Variants in TEX11 observed in about 807,000 individuals in gnomAD.
TEX11 encodes the protein testis expressed 11.
In TEX11, 7 loss-of-function variants were observed where a neutral mutation model predicts 84.4. That is an observed-to-expected ratio of 0.08 (90% CI 0.05 to 0.16). The LOEUF (loss-of-function observed/expected upper bound fraction) is 0.16. TEX11 is among the 10% of genes least tolerant of loss of function. TEX11 has a pLI of 1.00. For missense variants in TEX11, 551 were observed against 660.5 expected (o/e 0.83, Z 1.82); for synonymous variants, 264 against 222.8 (o/e 1.18, Z -1.64).
intron 9 of TEX11, among the ~76,000 whole-genome samples, chrX:70,754,629 A>G (rs1286764934): frequency 2.7e-5 from 3 of 111,311 alleles, no homozygotes; most frequent in Non-Finnish European, 5.7e-5. Flanking sequence ...GAGAGTGGTT[A>G]CAGCAAACCT....
chrX:70,807,629 G>GT (rs1383195541), intron 8 of TEX11, among the ~76,000 whole-genome samples: 1 of 111,394 alleles, frequency 9.0e-6, no homozygotes, highest in Non-Finnish European at 1.9e-5. Flanking sequence ...TTTTACCCGA[G>GT]TAAGACTACA....
intron 2 of TEX11, among the ~76,000 whole-genome samples, chrX:70,895,195 T>C (rs908917334): frequency 9.0e-6 from 1 of 111,444 alleles, no homozygotes; most frequent in African/African-American, 3.3e-5. Context: ...AAAATCAATG[T>C]GCAAAAATCA....
chrX:70,782,025 C>A (rs948527256), intron 9 of TEX11, among the ~76,000 whole-genome samples: 2 of 111,224 alleles, frequency 1.8e-5, no homozygotes, highest in Non-Finnish European at 3.8e-5. Context: ...GTCAGATTCA[C>A]CAAGGTTGAA....
Position 70,624,825 on chromosome X carries a change from T to C in TEX11, c.1694+14A>G. 8.5e-7 allele frequency: 1 copy of C among 1,175,255 alleles called. No individual in the cohort carries two copies. Among genetic ancestry groups the C allele is most frequent in the Non-Finnish European group, 1.2e-6 (1 of 865,635 alleles). On this transcript the variant is annotated intron_variant, in intron 19 of 29. Coordinates refer to ENST00000374333, the MANE Select transcript of TEX11 (RefSeq NM_031276.3). ...AGGAAATACTTTCTCTTCCACAGGATGTAGGTTACTTACTTTACAGCTGTA... is the reference window on the plus strand; with the variant it reads ...AGGAAATACTTTCTCTTCCACAGGACGTAGGTTACTTACTTTACAGCTGTA...
chrX:70,575,869 A>T (rs2088667358), intron 25 of TEX11, among the ~76,000 whole-genome samples: 1 of 111,702 alleles, frequency 9.0e-6, no homozygotes, highest in Non-Finnish European at 1.9e-5. Context: ...AGTAAGTTCA[A>T]ATATCACCTT....
chrX:70,751,886 G>T (rs973392891), intron 9 of TEX11, among the ~76,000 whole-genome samples: 1 of 112,165 alleles, frequency 8.9e-6, no homozygotes, highest in African/African-American at 3.2e-5. Context: ...ATAAAAGAAA[G>T]TATGATTATA....
chrX:70,608,318 T>C (rs996272595), intron 22 of TEX11, among the ~76,000 whole-genome samples: 3 of 112,361 alleles, frequency 2.7e-5, no homozygotes, highest in Admixed American at 9.4e-5. Flanking sequence ...ATTTAAAAAA[T>C]TATAAATAAA....
intron 9 of TEX11, among the ~76,000 whole-genome samples, chrX:70,790,332 G>A (rs769021478): frequency 9.0e-6 from 1 of 111,546 alleles, no homozygotes; most frequent in Non-Finnish European, 1.9e-5. Flanking sequence ...AGAGGCACAG[G>A]AAACTGGGAA....
At chrX:70,688,644 T>A (rs1271059855) in intron 13 of TEX11, among the ~76,000 whole-genome samples, 1 of 109,494 alleles carries the variant, frequency 9.1e-6, no homozygotes, top group East Asian at 2.8e-4. Context: ...ATTTTTAGGA[T>A]GGTGAAAATA....
chrX:70,899,303 A>G (rs751006282), intron 2 of TEX11, among the ~76,000 whole-genome samples: 1 of 111,671 alleles, frequency 9.0e-6, no homozygotes, highest in Non-Finnish European at 1.9e-5. Context: ...GGTTTCAAAG[A>G]CTTAGTTTAA....
At chrX:70,825,900 C>T (rs917237370) in intron 8 of TEX11, among the ~76,000 whole-genome samples, 5 of 111,388 alleles carry the variant, frequency 4.5e-5, no homozygotes, top group African/African-American at 1.6e-4. Context: ...ATGGCTTGAA[C>T]CCGGGAGACA....
intron 17 of TEX11, among the ~76,000 whole-genome samples, chrX:70,637,676 C>T (rs2089591556): frequency 9.0e-6 from 1 of 111,211 alleles, no homozygotes; most frequent in Non-Finnish European, 1.9e-5. Context: ...AAACCAAATA[C>T]TGCATGTTCT....
intron 16 of TEX11, among the ~76,000 whole-genome samples, chrX:70,664,844 T>C (rs1313885957): frequency 2.2e-4 from 11 of 51,121 alleles, no homozygotes; most frequent in Non-Finnish European, 3.9e-4. Context: ...TACATCTACC[T>C]AAGAATTACA....
chrX:70,638,579 C>T (rs1486197670), intron 17 of TEX11, among the ~76,000 whole-genome samples: 1 of 110,298 alleles, frequency 9.1e-6, no homozygotes, highest in Non-Finnish European at 1.9e-5. Flanking sequence ...GTGGGCAGAT[C>T]ACTTGAGGTC....
At chrX:70,720,482 A>C (rs1224753529) in intron 13 of TEX11, among the ~76,000 whole-genome samples, 3 of 109,788 alleles carry the variant, frequency 2.7e-5, no homozygotes, top group Admixed American at 9.8e-5. Flanking sequence ...ACAAACCTGC[A>C]TGTTGTGCAC....
chrX:70,583,701 C>T (rs1442319039), intron 25 of TEX11, among the ~76,000 whole-genome samples: 2 of 111,652 alleles, frequency 1.8e-5, no homozygotes, highest in African/African-American at 6.5e-5. Context: ...CATCTTACAC[C>T]AGTCAGGATG....
At chrX:70,614,709 C>A (rs181128251) in intron 20 of TEX11, among the ~76,000 whole-genome samples, 129 of 111,469 alleles carry the variant, frequency 1.2e-3, no homozygotes, top group African/African-American at 4.1e-3. Context: ...TGGGTGAGAA[C>A]CAGGGCTGTG....
intron 15 of TEX11, among the ~76,000 whole-genome samples, chrX:70,676,696 G>A (rs1355295359): frequency 9.0e-6 from 1 of 111,566 alleles, no homozygotes; most frequent in African/African-American, 3.3e-5. Flanking sequence ...ATCCTCATTT[G>A]GGAATCCCAG....
At chrX:70,693,252 A>T (rs1421621793) in intron 13 of TEX11, among the ~76,000 whole-genome samples, 1 of 111,442 alleles carries the variant, frequency 9.0e-6, no homozygotes, top group Non-Finnish European at 1.9e-5. Context: ...AAAAAAAAAA[A>T]TTCCAACTTT....
Sources: allele counts gnomAD v4.1 joint callset (sites outside exome capture counted in the v4.1 genomes callset), GRCh38; gene constraint gnomAD v4.1.1; transcripts MANE v1.5; gene names NCBI Gene and HGNC (gene_info 2026-07-23, HGNC 2026-07-21).